GAL3ST4: variants seen among roughly 807,000 people sequenced by gnomAD.
GAL3ST4 encodes the protein beta-galactose-3-O-sulfotransferase 4.
GAL3ST4 carries 30 observed loss-of-function variants against 31.6 expected under a neutral mutation model. The ratio of observed to expected loss-of-function variants is 0.95; its 90% CI spans 0.71 to 1.29. GAL3ST4 has a LOEUF of 1.29. Ranked by LOEUF, GAL3ST4 falls within the 50% of genes most tolerant of loss-of-function variation. The pLI is 0.00. For missense variants in GAL3ST4, 629 were observed against 625.2 expected, an observed-to-expected ratio of 1.01 and a Z score of -0.06; for synonymous variants, 248 against 256.9, an observed-to-expected ratio of 0.97 and a Z score of 0.33.
chr7:100,167,149 G>A lies in GAL3ST4; in HGVS notation c.-54C>T. 1 of 1,551,674 alleles carries A rather than the reference G, an allele frequency of 6.4e-7. No individual in the cohort carries two copies. The highest frequency in any genetic ancestry group is 8.7e-7 in the Non-Finnish European group (1 of 1,147,018). On this transcript the variant is annotated 5_prime_UTR_variant, in exon 2 of 4. Transcript: ENST00000360039. Reference sequence around the variant, plus strand: ...GAGATGGAGCCAGGGCCAGGAAGAGGGGCAGAGACAGCTGGAGACAGCCGT... The same window carrying A: ...GAGATGGAGCCAGGGCCAGGAAGAGAGGCAGAGACAGCTGGAGACAGCCGT...
intron 3 of GAL3ST4, 98 bp from the exon 4 acceptor site, chr7:100,161,057 C>A: frequency 9.9e-7 from 1 of 1,011,194 alleles, no homozygotes; most frequent in Non-Finnish European, 1.4e-6. Context: ...CCTCCTGAAA[C>A]CTCCTCCTCC....
intron 3 of GAL3ST4, 85 bp downstream of exon 3, chr7:100,166,417 C>G: frequency 1.4e-6 from 2 of 1,384,612 alleles, no homozygotes; most frequent in Admixed American, 2.2e-5. Flanking sequence ...GCCTGGGGAG[C>G]CCCCAGGTCT....
In GAL3ST4 at chr7:100,166,526, G is replaced by A; in HGVS notation, c.405C>T (p.His135=). The A allele has an allele frequency of 4.3e-6, 7 of 1,613,860 alleles. No individual in the cohort carries two copies. The highest frequency in any genetic ancestry group is 5.9e-6 in the Non-Finnish European group (7 of 1,179,840). ...GTQLPFHILC[H]HMRFNLKEVL... is the part of the protein sequence containing the mutation. ...CCTCTTTCAGGTTGAACCTCATGTG[G>A]TGACAGAGGATGTGGAAGGGGAGCT... is the stretch of plus-strand genomic sequence containing the variant. The change falls in exon 3 of 4, where the codon CAC becomes CAT. Residue 135 remains histidine, a synonymous_variant. Coordinates refer to ENST00000360039, the MANE Select transcript of GAL3ST4 (RefSeq NM_024637.5).
chr7:100,163,229 G>A (rs963102501), intron 3 of GAL3ST4, among the ~76,000 whole-genome samples: 4 of 152,190 alleles, frequency 2.6e-5, no homozygotes, highest in South Asian at 4.1e-4. Context: ...TGCCTGGTAG[G>A]ATGCTGCCCT....
intron 3 of GAL3ST4, among the ~76,000 whole-genome samples, chr7:100,161,494 C>CA (rs1202115945): frequency 1.3e-5 from 2 of 151,546 alleles, no homozygotes; most frequent in East Asian, 1.9e-4. Context: ...ACTAAAAATA[C>CA]AAAAAAATTA....
At chr7:100,161,007 G>T (rs1798996178) in intron 3 of GAL3ST4, 48 bp from the exon 4 acceptor site, 2 of 1,447,112 alleles carry the variant, frequency 1.4e-6, no homozygotes, top group African/African-American at 1.4e-5. Flanking sequence ...TGGGGAGAAG[G>T]TATGCATAAG....
rs114072073 is a variant in GAL3ST4, at chr7:100,166,735, G to T, written c.196C>A (p.Arg66=). The T allele has an allele frequency of 5.6e-6, 9 of 1,613,958 alleles. No homozygotes were observed. The highest frequency in any genetic ancestry group is 6.8e-6 in the Non-Finnish European group (8 of 1,179,946). ...LRPALPSCPP[R]QRLVFLKTHK... ...GTCTTCAGGAACACCAGTCGCTGCC[G>T]GGGTGGGCAGGACGGAAGGGCTGGT... The change falls in exon 3 of 4, where the codon CGG becomes AGG. Residue 66 remains arginine, a synonymous_variant. Transcript: ENST00000360039.
rs371583641 is a variant in GAL3ST4 at position 100,159,926 on chromosome 7, G to C, written c.*2C>G. The C allele has an allele frequency of 3.1e-6, 5 of 1,595,424 alleles. No individual in the cohort carries two copies. Among genetic ancestry groups the C allele is most frequent in the Non-Finnish European group, 4.3e-6 (5 of 1,169,878 alleles). ...CTTCCACCTAAATCTGTAGTCTGAT[G>C]TTTATGGGGAGAGTGGCCTTGAAGT... On this transcript the variant is annotated 3_prime_UTR_variant, in exon 4 of 4. Transcript: ENST00000360039.
At position 100,159,777 on chromosome 7, in the gene GAL3ST4, C is replaced by T; in HGVS notation, c.*151G>A. On this transcript the variant is annotated 3_prime_UTR_variant, in exon 4 of 4. Transcript: ENST00000360039. ...ATGAGTGGAGGGTGGAGGAGGGAAG[C>T]ACTGCTGGGAGCCCAGCGAAGAGGG... 1.6e-6 allele frequency: 1 copy of T among 639,880 alleles called. No homozygotes were observed. The highest frequency in any genetic ancestry group is 2.8e-5 in the East Asian group (1 of 35,334). The allele number at this position is 639,880 out of a possible 1,614,324, so 39.6% of individuals were successfully genotyped here. A position where few individuals can be genotyped will look rare whatever the true frequency, so the allele number is the denominator to read the frequency against.
Position 100,166,614 on chromosome 7 carries a change from C to G in GAL3ST4, c.317G>C (p.Gly106Ala), listed in dbSNP as rs201437336. The G allele has an allele frequency of 7.9e-5, 127 of 1,614,210 alleles. 1 individual carries two copies. The highest frequency in any genetic ancestry group is 6.8e-4 in the Admixed American group (41 of 60,026). The change falls in exon 3 of 4, where the codon GGC becomes GCC. Residue 106 changes from glycine to alanine, a missense_variant. Coordinates refer to ENST00000360039, the MANE Select transcript of GAL3ST4 (RefSeq NM_024637.5). The part of the protein sequence containing the change: ...RFALPARYQF[G>A]YPKLFQASRV... ...AGAGGCCTGGAAGAGCTTTGGGTAG[C>G]CAAACTGGTAGCGGGCAGGGAGGGC... is the stretch of plus-strand genomic sequence containing the variant.
chr7:100,160,983 A>G, intron 3 of GAL3ST4, 24 bp from the exon 4 acceptor site: 1 of 1,549,284 alleles, frequency 6.5e-7, no homozygotes, highest in East Asian at 2.2e-5. Context: ...AAGACAGAAG[A>G]GAGAGAACTG....
In GAL3ST4 at chr7:100,167,274, C is replaced by CT. The variant is rs1799090559; in HGVS notation, c.-180dup. 21 of 1,432,636 alleles carry CT rather than the reference C, an allele frequency of 1.5e-5. No homozygotes were observed. Among genetic ancestry groups the CT allele is most frequent in the Admixed American group, 2.5e-5 (1 of 39,686 alleles). 88.7% of individuals were successfully genotyped at this position (1,432,636 alleles called of 1,614,324 possible). On this transcript the variant is annotated 5_prime_UTR_variant, in exon 2 of 4. It removes the in-frame stop codon of an upstream open reading frame in the 5' UTR. Coordinates refer to ENST00000360039, the MANE Select transcript of GAL3ST4 (RefSeq NM_024637.5). ...CCCCTGAGTTAGCAGATTTTTGCCT[C>CT]TGTCAGCGTCTAGAAGGGAAATGAG...
rs776603412 is a variant in GAL3ST4 at position 100,159,981 on chromosome 7, A to G, written c.1408T>C (p.Phe470Leu). The G allele has an allele frequency of 8.5e-5, 137 of 1,613,616 alleles. No homozygotes were observed. In the East Asian group the frequency reaches 2.9e-3, roughly 34 times the overall value. ...AGGGGCAGTGAGACGGTAGGGGGGA[A>G]CTGCTTGGCATCCAGCTTGTCCTTG... ...QYKDKLDAKQ[F>L]PPTVSLPLKT... is the part of the protein sequence containing the mutation. The change falls in exon 4 of 4, where the codon TTC (phenylalanine) becomes CTC (leucine). Residue 470 changes from phenylalanine to leucine, a missense_variant. By Grantham distance (22) the Phe-to-Leu change is conservative (BLOSUM62 0). Transcript: ENST00000360039.
At chr7:100,166,085 G>A (rs1799068513) in intron 3 of GAL3ST4, among the ~76,000 whole-genome samples, 1 of 152,124 alleles carries the variant, frequency 6.6e-6, no homozygotes, top group Admixed American at 6.5e-5. Flanking sequence ...GATCACTTGA[G>A]CCTGGGAAGT....
intron 3 of GAL3ST4, among the ~76,000 whole-genome samples, chr7:100,161,695 A>G (rs1363714416): frequency 6.6e-6 from 1 of 152,024 alleles, no homozygotes; most frequent in Non-Finnish European, 1.5e-5. Flanking sequence ...CAGGTCAATC[A>G]ATGATAGACT....
At chr7:100,164,370 A>AC (rs922478353) in intron 3 of GAL3ST4, among the ~76,000 whole-genome samples, 58 of 146,568 alleles carry the variant, frequency 4.0e-4, no homozygotes, top group Admixed American at 3.5e-3. Context: ...TTCCTTTAAA[A>AC]CCCCCCGCTC....
At position 100,166,547 on chromosome 7, in the gene GAL3ST4, G is replaced by A; in HGVS notation, c.384C>T (p.Leu128=). ...GYRPQGGGTQ[L]PFHILCHHMR... Reference sequence around the variant, plus strand: ...TGTGGTGACAGAGGATGTGGAAGGGGAGCTGGGTGCCTCCACCCTGTGGGC... The same window carrying A: ...TGTGGTGACAGAGGATGTGGAAGGGAAGCTGGGTGCCTCCACCCTGTGGGC... The change falls in exon 3 of 4, where the codon CTC becomes CTT. Residue 128 remains leucine (L), a synonymous_variant. Transcript: ENST00000360039. 1 of 1,614,126 alleles carries A rather than the reference G, an allele frequency of 6.2e-7. No homozygotes were observed. Among genetic ancestry groups the A allele is most frequent in the East Asian group, 2.2e-5 (1 of 44,878 alleles).
rs1799107568 is a variant in GAL3ST4, at chr7:100,168,209, AG to A, written c.-189+336del. The A allele has an allele frequency of 1.3e-5, 2 of 152,238 alleles. No individual in the cohort carries two copies. The highest frequency in any genetic ancestry group is 4.8e-5 in the African/African-American group (2 of 41,516). 9.4% of individuals were successfully genotyped at this position (152,238 alleles called of 1,614,324 possible). A position where few individuals can be genotyped will look rare whatever the true frequency, so the allele number is the denominator to read the frequency against. On this transcript the variant is annotated intron_variant, in intron 1 of 3. Transcript: ENST00000360039. The surrounding 1 kb of genome is among the most constrained non-coding windows in gnomAD (Gnocchi z 4.1). Reference sequence around the variant, plus strand: ...ATCAGGGACCACGGCCCCTCCAACAAGCCCCGACAGCTCCCTGCTCCGATGA... The same window carrying A: ...ATCAGGGACCACGGCCCCTCCAACAACCCCGACAGCTCCCTGCTCCGATGA...
In GAL3ST4 at chr7:100,160,920, T is replaced by C. The variant is rs1798994322; in HGVS notation, c.469A>G (p.Ile157Val). The C allele has an allele frequency of 6.2e-7, 1 of 1,600,484 alleles. No homozygotes were observed. Among genetic ancestry groups the C allele is most frequent in the South Asian group, 1.1e-5 (1 of 89,210 alleles). Residue 157 changes from isoleucine to valine, a missense_variant, in exon 4 of 4, where the codon ATT (isoleucine) becomes GTT (valine). By Grantham distance (29) the Ile-to-Val change is conservative. Coordinates refer to ENST00000360039, the MANE Select transcript of GAL3ST4 (RefSeq NM_024637.5). ...VMPSDSFFFS[I>V]VRDPAALARS... ...GCCAGAGCCGCTGGGTCTCGGACAA[T>C]GGAAAAAAAGAAGCTGTCAGAAGGC...
Sources: gnomAD v4.1 joint callset for allele counts (sites outside exome capture counted in the v4.1 genomes callset) on GRCh38, gnomAD v4.1.1 for gene constraint, Gnocchi (gnomAD v3.1) non-coding constraint, MANE v1.5 for transcripts, NCBI Gene and HGNC (gene_info 2026-07-23, HGNC 2026-07-21) for gene names.